Variants in CNIH3 observed in about 807,000 individuals in gnomAD.
CNIH3 encodes protein cornichon homolog 3.
CNIH3 carries 14 observed loss-of-function variants against 24.1 expected under a neutral mutation model. That is an observed-to-expected ratio of 0.58 (90% CI 0.38 to 0.91). The LOEUF (loss-of-function observed/expected upper bound fraction) is 0.91. Among genes scored for constraint, CNIH3 ranks in the 40% least tolerant of loss-of-function variants. The pLI, the probability that CNIH3 is intolerant of heterozygous loss-of-function variation, is 0.00. For synonymous variants in CNIH3, 68 were observed against 73.8 expected, an observed-to-expected ratio of 0.92 and a Z score of 0.40; for missense variants, 178 against 196.8, an observed-to-expected ratio of 0.90 and a Z score of 0.57.
In CNIH3 at chr1:224,449,459, C is replaced by T. The variant is rs894957016; in HGVS notation, n.203+14597C>T. ...CAGTAGCCTCCTAAATGTTTTGTTC[C>T]TTTCTCTAATTTGTTGCCGTCACTG... On this transcript the variant is annotated intron_variant and non_coding_transcript_variant, in intron 1 of 5. Coordinates refer to the CNIH3 transcript ENST00000471578. Among the ~76,000 whole-genome samples, 10 of 151,934 alleles carry T rather than the reference C, an allele frequency of 6.6e-5. No individual in the cohort carries two copies. The East Asian group carries it at 1.7e-3, about 26-fold the overall frequency.
intron 1 of CNIH3, among the ~76,000 whole-genome samples, chr1:224,448,010 A>G (rs574131055): frequency 3.9e-5 from 6 of 152,322 alleles, no homozygotes; most frequent in South Asian, 2.1e-4. Context: ...CAGTCACTAG[A>G]GCCCATGCTG....
At chr1:224,635,810 C>T (rs889361812) in intron 1 of CNIH3, among the ~76,000 whole-genome samples, 5 of 152,150 alleles carry the variant, frequency 3.3e-5, no homozygotes, top group African/African-American at 9.7e-5. Context: ...CAACTGGGCT[C>T]AAGCATTCCT....
intron 3 of CNIH3, among the ~76,000 whole-genome samples, chr1:224,562,625 G>A (rs549851729): frequency 6.6e-6 from 1 of 152,198 alleles, no homozygotes; most frequent in Non-Finnish European, 1.5e-5. Flanking sequence ...GGATCAGGTG[G>A]GCAGATCCCT....
chr1:224,686,597 A>G (rs772423012), intron 3 of CNIH3, among the ~76,000 whole-genome samples: 58 of 152,206 alleles, frequency 3.8e-4, no homozygotes, highest in Non-Finnish European at 6.5e-4. Context: ...AGTGACATCA[A>G]ATGGATCAAG....
At chr1:224,564,846 C>T (rs148455831) in intron 3 of CNIH3, among the ~76,000 whole-genome samples, 9 of 152,312 alleles carry the variant, frequency 5.9e-5, no homozygotes, top group East Asian at 3.9e-4. Context: ...AAATGTGTAA[C>T]GATACCTGGA....
At chr1:224,518,831 G>T (rs1213556043) in intron 1 of CNIH3, among the ~76,000 whole-genome samples, 1 of 152,212 alleles carries the variant, frequency 6.6e-6, no homozygotes, top group African/African-American at 2.4e-5. Flanking sequence ...CCAGCCTTTG[G>T]ATTTCGAGTT....
In CNIH3 at chr1:224,568,435, T is replaced by C. The variant is rs551394447; in HGVS notation, n.516+2171T>C. 4.6e-5 allele frequency among the ~76,000 whole-genome samples: 7 copies of C among 152,216 alleles called. No homozygotes were observed. In the South Asian group the frequency reaches 8.3e-4, roughly 18 times the overall value. ...TGTTTTGATTAGATATTGAGAATAT[T>C]CATATAATATATATGTGATGTGTAA... On this transcript the variant is annotated intron_variant and non_coding_transcript_variant, in intron 4 of 5. Coordinates refer to the CNIH3 transcript ENST00000471578.
intron 1 of CNIH3, among the ~76,000 whole-genome samples, chr1:224,452,857 G>T (rs528608882): frequency 8.9e-5 from 13 of 145,840 alleles, no homozygotes; most frequent in Non-Finnish European, 1.7e-4. Flanking sequence ...GCGGTGGCTC[G>T]TGCCTGTAAT....
At chr1:224,476,928 G>A (rs1007001476) in intron 1 of CNIH3, among the ~76,000 whole-genome samples, 4 of 152,152 alleles carry the variant, frequency 2.6e-5, no homozygotes, top group African/African-American at 4.8e-5. Flanking sequence ...TTTGAGATGC[G>A]AGGTACAGGT....
At position 224,639,852 on chromosome 1, in the gene CNIH3, G is replaced by A. The variant is rs188015823; in HGVS notation, c.81+22597G>A. 6.0e-4 allele frequency among the ~76,000 whole-genome samples: 92 copies of A among 152,242 alleles called. 1 individual carries two copies. Among genetic ancestry groups the A allele is most frequent in the Non-Finnish European group, 9.1e-4 (62 of 68,030 alleles). On this transcript the variant is annotated intron_variant, in intron 1 of 5. Coordinates refer to ENST00000272133, the MANE Select transcript of CNIH3 (RefSeq NM_152495.2). ...AGAGAAAGCCTGGCTTCCTTAACCC[G>A]ATTGCAGATCAGAGAATCTTTAAAT... is the stretch of plus-strand genomic sequence containing the variant.
intron 3 of CNIH3, among the ~76,000 whole-genome samples, chr1:224,554,257 C>A (rs1485225730): frequency 6.6e-6 from 1 of 152,164 alleles, no homozygotes; most frequent in Non-Finnish European, 1.5e-5. Context: ...CCTTTGCACA[C>A]ACTCACCTGG....
At chr1:224,691,814 A>G (rs985206589) in intron 3 of CNIH3, among the ~76,000 whole-genome samples, 3 of 152,194 alleles carry the variant, frequency 2.0e-5, no homozygotes, top group African/African-American at 4.8e-5. Context: ...TAAAAGGGGA[A>G]AACTTTTTTC....
intron 1 of CNIH3, 97 bp downstream of exon 1, chr1:224,617,352 C>A: frequency 7.4e-7 from 1 of 1,352,984 alleles, no homozygotes. Context: ...GTGGGCGAAC[C>A]GGAAGGTTGG....
intron 3 of CNIH3, among the ~76,000 whole-genome samples, chr1:224,705,245 G>C (rs1247611307): frequency 2.0e-5 from 3 of 152,184 alleles, no homozygotes; most frequent in Non-Finnish European, 4.4e-5. Context: ...CCGAATGCAG[G>C]TAGTTTTTAA....
chr1:224,470,443 T>C (rs1252222048), intron 1 of CNIH3, among the ~76,000 whole-genome samples: 3 of 151,784 alleles, frequency 2.0e-5, no homozygotes, highest in Non-Finnish European at 4.4e-5. Flanking sequence ...TCCTCTCAAG[T>C]ACCTAGGGCT....
intron 3 of CNIH3, among the ~76,000 whole-genome samples, chr1:224,713,047 A>G (rs1688239477): frequency 6.6e-6 from 1 of 152,168 alleles, no homozygotes; most frequent in African/African-American, 2.4e-5. Context: ...CAATCTCCTA[A>G]AATCCTTTCA....
At chr1:224,513,997 C>A (rs1047902570), upstream of CNIH3, 1 of 152,190 alleles carries the variant, frequency 6.6e-6, no homozygotes, top group Non-Finnish European at 1.5e-5. Flanking sequence ...TTGGACATTT[C>A]TTTCTACAGT....
At chr1:224,592,139 G>A (rs528585473), downstream of CNIH3, among the ~76,000 whole-genome samples, 16 of 151,918 alleles carry the variant, frequency 1.1e-4, no homozygotes, top group Non-Finnish European at 2.2e-4. Context: ...GTGTATATGT[G>A]TGTGTGTACG....
At chr1:224,737,907 T>C (rs891116375) in intron 5 of CNIH3, among the ~76,000 whole-genome samples, 4 of 152,238 alleles carry the variant, frequency 2.6e-5, no homozygotes, top group Non-Finnish European at 5.9e-5. Context: ...ATGCAGATAC[T>C]AATACTAGCT....
Sources: gnomAD v4.1 joint callset for allele counts (sites outside exome capture counted in the v4.1 genomes callset) on GRCh38, gnomAD v4.1.1 for gene constraint, MANE v1.5 for transcripts, NCBI Gene and HGNC (gene_info 2026-07-23, HGNC 2026-07-21) for gene names.